The following SLC35F3 variants were observed in gnomAD, a reference collection of about 807,000 sequenced individuals.
SLC35F3 encodes solute carrier family 35 member F3, also known as putative thiamine transporter SLC35F3.
Under a neutral mutation model 49.9 loss-of-function variants are expected in SLC35F3, and 25 were observed. The ratio of observed to expected loss-of-function variants is 0.50; its 90% CI spans 0.37 to 0.70. The LOEUF is 0.70. Ranked by LOEUF, SLC35F3 falls within the 30% of genes least tolerant of loss-of-function variation. The pLI is 0.00. For synonymous variants in SLC35F3, 275 were observed against 265.4 expected, an observed-to-expected ratio of 1.04 and a Z score of -0.35; for missense variants, 525 against 639.8, an observed-to-expected ratio of 0.82 and a Z score of 1.94.
intron 2 of SLC35F3, among the ~76,000 whole-genome samples, chr1:233,952,722 A>G (rs1261366318): frequency 6.6e-6 from 1 of 151,796 alleles, no homozygotes; most frequent in Non-Finnish European, 1.5e-5. Context: ...TGCTTTCTTC[A>G]CTCTGTTTGT....
intron 2 of SLC35F3, among the ~76,000 whole-genome samples, chr1:233,959,008 A>G (rs985477383): frequency 1.1e-4 from 16 of 152,204 alleles, no homozygotes; most frequent in Non-Finnish European, 2.1e-4. Flanking sequence ...CACCAAAGAT[A>G]ATGAAAAAGC....
At chr1:234,264,324 G>A (rs756993313) in intron 3 of SLC35F3, among the ~76,000 whole-genome samples, 2 of 152,114 alleles carry the variant, frequency 1.3e-5, no homozygotes, top group East Asian at 1.9e-4. Flanking sequence ...CATGTTCATC[G>A]CTCATTATAA....
chr1:234,323,220 G>A lies in SLC35F3; in HGVS notation c.1450G>A (p.Ala484Thr). 6.2e-7 allele frequency: 1 copy of A among 1,613,994 alleles called. No homozygotes were observed. Among genetic ancestry groups the A allele is most frequent in the Non-Finnish European group, 8.5e-7 (1 of 1,179,980 alleles). Residue 484 changes from alanine (A) to threonine (T), a missense_variant, in exon 8 of 8, where the codon GCC (alanine) becomes ACC (threonine). Physicochemically the swap from Ala to Thr is moderately conservative, Grantham distance 58. Around this residue, in one of 4 missense-constraint regions of SLC35F3, gnomAD observed 76 missense variants for 95.6 expected, o/e 0.80. Coordinates refer to ENST00000366618, the MANE Select transcript of SLC35F3 (RefSeq NM_173508.4). The surrounding 1 kb of genome is among the most constrained non-coding windows in gnomAD (Gnocchi z 4.5). ...SSGPQSKNRR[A>T]RPSFAR ...AGGACCTCAGAGCAAGAACAGAAGA[G>A]CCCGCCCTTCCTTCGCCCGCTAACA...
chr1:234,268,145 T>A (rs904866324), intron 3 of SLC35F3, among the ~76,000 whole-genome samples: 1 of 152,060 alleles, frequency 6.6e-6, no homozygotes, highest in South Asian at 2.1e-4. Flanking sequence ...ATCACGCCAC[T>A]GCACTCCAGC....
At chr1:234,083,104 T>C (rs1052650681) in intron 2 of SLC35F3, among the ~76,000 whole-genome samples, 1 of 152,220 alleles carries the variant, frequency 6.6e-6, no homozygotes, top group Non-Finnish European at 1.5e-5. Context: ...CTCCTTAATT[T>C]TTCTTTCTTA....
At chr1:234,302,508 G>T (rs1247674504) in intron 3 of SLC35F3, among the ~76,000 whole-genome samples, 1 of 152,162 alleles carries the variant, frequency 6.6e-6, no homozygotes, top group Non-Finnish European at 1.5e-5. Context: ...GAAAAGTGTG[G>T]CTATGAAAAA....
chr1:234,194,844 C>T (rs1212487953), intron 2 of SLC35F3, among the ~76,000 whole-genome samples: 1 of 151,810 alleles, frequency 6.6e-6, no homozygotes, highest in African/African-American at 2.4e-5. Context: ...GTTTTTAACC[C>T]ATGTTCCTGT....
At chr1:234,225,933 G>A (rs886537820) in intron 2 of SLC35F3, among the ~76,000 whole-genome samples, 1 of 152,210 alleles carries the variant, frequency 6.6e-6, no homozygotes, top group African/African-American at 2.4e-5. Context: ...AGATGTGAAA[G>A]TCTGTATATG....
At chr1:234,050,117 T>G (rs1190236547) in intron 2 of SLC35F3, among the ~76,000 whole-genome samples, 4 of 152,232 alleles carry the variant, frequency 2.6e-5, no homozygotes, top group Non-Finnish European at 5.9e-5. Context: ...TGTGTCTTTA[T>G]AGCAGCATGA....
intron 2 of SLC35F3, among the ~76,000 whole-genome samples, chr1:234,024,739 A>T (rs1206405991): frequency 6.6e-6 from 1 of 152,174 alleles, no homozygotes; most frequent in Non-Finnish European, 1.5e-5. Flanking sequence ...CTTCATGAGC[A>T]ACGAACCCTC....
chr1:234,090,749 T>C (rs1417142242), intron 2 of SLC35F3, among the ~76,000 whole-genome samples: 2 of 152,180 alleles, frequency 1.3e-5, no homozygotes, highest in Non-Finnish European at 2.9e-5. Flanking sequence ...GTCAGTGGTC[T>C]CAACCAGCTT....
intron 2 of SLC35F3, among the ~76,000 whole-genome samples, chr1:234,223,524 G>A (rs1290131789): frequency 6.6e-6 from 1 of 152,182 alleles, no homozygotes; most frequent in African/African-American, 2.4e-5. Flanking sequence ...TCTACACACT[G>A]CCTCCAGAAA....
At chr1:234,107,096 C>T (rs1327811116) in intron 2 of SLC35F3, among the ~76,000 whole-genome samples, 2 of 152,158 alleles carry the variant, frequency 1.3e-5, no homozygotes, top group Non-Finnish European at 2.9e-5. Flanking sequence ...CTCTACTGAG[C>T]CGAGCTGAGC....
intron 4 of SLC35F3, among the ~76,000 whole-genome samples, chr1:234,313,228 T>G (rs574921600): frequency 6.6e-6 from 1 of 152,264 alleles, no homozygotes; most frequent in East Asian, 1.9e-4. Context: ...TCAACAGTGA[T>G]TAGACCTCAC....
intron 2 of SLC35F3, among the ~76,000 whole-genome samples, chr1:234,058,338 T>A (rs1022938754): frequency 1.3e-4 from 17 of 129,980 alleles, no homozygotes; most frequent in African/African-American, 4.7e-4. Flanking sequence ...ATTTTTTTTT[T>A]TTTTTTTTTT....
At chr1:234,260,862 C>G (rs374425044) in intron 3 of SLC35F3, among the ~76,000 whole-genome samples, 2 of 152,172 alleles carry the variant, frequency 1.3e-5, no homozygotes, top group African/African-American at 4.8e-5. Context: ...CTTTACTGCA[C>G]GGACTTCCTG....
chr1:234,170,357 G>C (rs1221049793), intron 2 of SLC35F3, among the ~76,000 whole-genome samples: 1 of 152,068 alleles, frequency 6.6e-6, no homozygotes. Context: ...CAGAAACAAA[G>C]TTATTTCTGT....
intron 2 of SLC35F3, among the ~76,000 whole-genome samples, chr1:234,223,207 A>C (rs1395568489): frequency 6.6e-6 from 1 of 152,148 alleles, no homozygotes; most frequent in Non-Finnish European, 1.5e-5. Context: ...GACCTTTGAG[A>C]GTTATTCGGG....
chr1:233,911,508 A>G (rs1471353228), intron 2 of SLC35F3, among the ~76,000 whole-genome samples: 2 of 152,198 alleles, frequency 1.3e-5, no homozygotes, highest in African/African-American at 4.8e-5. Flanking sequence ...CTAACAATTT[A>G]GTAAATAGTT....
Sources: gnomAD v4.1 joint callset for allele counts (sites outside exome capture counted in the v4.1 genomes callset) on GRCh38, gnomAD v4.1.1 for gene constraint, gnomAD v4.1.1 regional missense constraint, Gnocchi (gnomAD v3.1) non-coding constraint, MANE v1.5 for transcripts, NCBI Gene and HGNC (gene_info 2026-07-23, HGNC 2026-07-21) for gene names.